The following CLSTN2 variants were observed in gnomAD, a reference collection of about 807,000 sequenced individuals.
The protein encoded by CLSTN2 is calsyntenin-2.
A neutral mutation model predicts 101.2 loss-of-function variants in CLSTN2; 48 were observed. That is an observed-to-expected ratio of 0.47 (90% confidence interval 0.38 to 0.60). CLSTN2 has a LOEUF of 0.60. CLSTN2 is among the 20% of genes least tolerant of loss of function. CLSTN2 has a pLI of 0.00. For synonymous variants in CLSTN2, 481 were observed against 463.6 expected, an observed-to-expected ratio of 1.04 and a Z score of -0.48; for missense variants, 1,160 against 1,238.2, an observed-to-expected ratio of 0.94 and a Z score of 0.95.
At chr3:140,402,898 GCTAAACTCTTTTCT>G (rs529502710) in intron 2 of CLSTN2, among the ~76,000 whole-genome samples, 78 of 152,254 alleles carry the variant, frequency 5.1e-4, no homozygotes, top group African/African-American at 1.9e-3. Context: ...AAAGCCTATA[GCTAAACTCTTTTCT>G]CTAATAAGTC....
At chr3:140,344,155 A>G (rs552914734) in intron 2 of CLSTN2, among the ~76,000 whole-genome samples, 1 of 152,342 alleles carries the variant, frequency 6.6e-6, no homozygotes, top group East Asian at 1.9e-4. Context: ...ACTGACATAC[A>G]ACAGTAAGCA....
intron 8 of CLSTN2, among the ~76,000 whole-genome samples, chr3:140,472,787 A>G (rs931662229): frequency 2.0e-5 from 3 of 152,148 alleles, no homozygotes; most frequent in Non-Finnish European, 2.9e-5. Context: ...GGTGAATAAT[A>G]TATGTATGTG....
chr3:140,005,980 C>A (rs2006945310), intron 1 of CLSTN2, among the ~76,000 whole-genome samples: 1 of 152,194 alleles, frequency 6.6e-6, no homozygotes, highest in Non-Finnish European at 1.5e-5. Context: ...TATACTTGAT[C>A]TCATCTAAGA....
intron 2 of CLSTN2, among the ~76,000 whole-genome samples, chr3:140,270,623 T>C (rs990225081): frequency 6.6e-6 from 1 of 151,972 alleles, no homozygotes; most frequent in Non-Finnish European, 1.5e-5. Context: ...GACAGGAGGA[T>C]GGGGGAAGAG....
chr3:139,980,084 C>T (rs1935889169), intron 1 of CLSTN2, among the ~76,000 whole-genome samples: 1 of 152,100 alleles, frequency 6.6e-6, no homozygotes, highest in Admixed American at 6.6e-5. Flanking sequence ...GTCCAGGCCA[C>T]CATCATCTCT....
At chr3:139,987,908 G>A (rs923904904) in intron 1 of CLSTN2, among the ~76,000 whole-genome samples, 3 of 152,178 alleles carry the variant, frequency 2.0e-5, no homozygotes, top group Non-Finnish European at 4.4e-5. Flanking sequence ...CCACAGTTAC[G>A]CCAAACCACA....
At chr3:140,045,859 T>C (rs1197316700) in intron 1 of CLSTN2, among the ~76,000 whole-genome samples, 3 of 152,236 alleles carry the variant, frequency 2.0e-5, no homozygotes, top group African/African-American at 7.2e-5. Context: ...GAGTTCTAGT[T>C]TGATTGCACT....
At chr3:140,394,489 G>A (rs1423964041) in intron 2 of CLSTN2, among the ~76,000 whole-genome samples, 1 of 152,194 alleles carries the variant, frequency 6.6e-6, no homozygotes, top group African/African-American at 2.4e-5. Flanking sequence ...TACAGCTACA[G>A]CACTTCTCTG....
intron 2 of CLSTN2, among the ~76,000 whole-genome samples, chr3:140,328,300 C>T (rs1290040729): frequency 1.3e-5 from 2 of 152,092 alleles, no homozygotes; most frequent in Admixed American, 6.5e-5. Context: ...GCAGAGAGAC[C>T]AACTCCTTAA....
At chr3:140,451,438 C>A (rs1282139273) in intron 6 of CLSTN2, among the ~76,000 whole-genome samples, 1 of 152,152 alleles carries the variant, frequency 6.6e-6, no homozygotes, top group Non-Finnish European at 1.5e-5. Flanking sequence ...TTGGGAGCTG[C>A]CCTTTGAAGG....
intron 2 of CLSTN2, among the ~76,000 whole-genome samples, chr3:140,309,751 C>T (rs772658738): frequency 2.6e-5 from 4 of 152,096 alleles, no homozygotes; most frequent in Admixed American, 1.3e-4. Flanking sequence ...GTCTTTCCTT[C>T]GTGCTTCTCC....
intron 2 of CLSTN2, among the ~76,000 whole-genome samples, chr3:140,226,536 A>G (rs186335002): frequency 6.6e-6 from 1 of 152,350 alleles, no homozygotes; most frequent in Admixed American, 6.5e-5. Flanking sequence ...ATGGGTATTC[A>G]TTATAGAATT....
At chr3:140,238,642 C>T (rs2086435590) in intron 2 of CLSTN2, among the ~76,000 whole-genome samples, 1 of 152,144 alleles carries the variant, frequency 6.6e-6, no homozygotes, top group South Asian at 2.1e-4. Flanking sequence ...TTACAACATC[C>T]ATTGCAGCAC....
At position 140,078,608 on chromosome 3, in the gene CLSTN2, G is replaced by C. The variant is rs1001720830; in HGVS notation, c.110-97343G>C. Among the ~76,000 whole-genome samples the C allele has an allele frequency of 2.0e-5, 3 of 152,318 alleles. No homozygotes were observed. The East Asian group carries it at 5.8e-4, about 29-fold the overall frequency. Reference sequence around the variant, plus strand: ...TGCTGACACACAAAAGAGGGCGGGAGTGACAGCGTGGTGATCTACCAGTGC... The same window carrying C: ...TGCTGACACACAAAAGAGGGCGGGACTGACAGCGTGGTGATCTACCAGTGC... On this transcript the variant is annotated intron_variant, in intron 1 of 16. Transcript: ENST00000458420.
intron 1 of CLSTN2, among the ~76,000 whole-genome samples, chr3:139,941,905 T>C (rs1013663487): frequency 2.1e-4 from 32 of 152,222 alleles, no homozygotes; most frequent in Non-Finnish European, 4.1e-4. Flanking sequence ...TTGATCCTCG[T>C]ACCAACCCTA....
rs1480594231 is a variant in CLSTN2, at chr3:140,329,315, C to A, written c.233-74314C>A. Among the ~76,000 whole-genome samples, 5 of 152,204 alleles carry A rather than the reference C, an allele frequency of 3.3e-5. No individual in the cohort carries two copies. The East Asian group carries it at 9.7e-4, about 29-fold the overall frequency. On this transcript the variant is annotated intron_variant, in intron 2 of 16. Transcript: ENST00000458420. Reference sequence around the variant, plus strand: ...GAGGCAGGAGAATCAATTGCCTGAACCTGGAGGTTGCAGTGAGGCAAGATC... The same window carrying A: ...GAGGCAGGAGAATCAATTGCCTGAAACTGGAGGTTGCAGTGAGGCAAGATC...
chr3:140,114,747 C>A (rs74353313), intron 1 of CLSTN2, among the ~76,000 whole-genome samples: 2,771 of 152,086 alleles, frequency 0.018, 75 homozygotes, highest in African/African-American at 0.061. Context: ...ACAGGGTTCT[C>A]ACCTAAATAT....
chr3:140,564,790 G>C (rs367895976), intron 16 of CLSTN2, among the ~76,000 whole-genome samples: 5 of 152,224 alleles, frequency 3.3e-5, no homozygotes, highest in African/African-American at 1.2e-4. Context: ...AAGGTTATCT[G>C]ATTCTGAAGT....
intron 2 of CLSTN2, among the ~76,000 whole-genome samples, chr3:140,324,031 G>T (rs928106878): frequency 6.6e-6 from 1 of 152,154 alleles, no homozygotes; most frequent in East Asian, 1.9e-4. Context: ...GATCTCTGAG[G>T]GGCAGCTAGA....
Sources: allele counts gnomAD v4.1 joint callset (sites outside exome capture counted in the v4.1 genomes callset), GRCh38; gene constraint gnomAD v4.1.1; transcripts MANE v1.5; gene names NCBI Gene and HGNC (gene_info 2026-07-23, HGNC 2026-07-21).